The following WDHD1 variants were observed in gnomAD, a reference collection of about 807,000 sequenced individuals.
The protein encoded by WDHD1 is WD repeat and HMG-box DNA-binding protein 1.
Under a neutral mutation model 135.4 loss-of-function variants are expected in WDHD1, and 111 were observed. The observed-to-expected ratio is 0.82, with a 90% CI of 0.70 to 0.96. The LOEUF (loss-of-function observed/expected upper bound fraction) is 0.96, where lower values mean the gene tolerates loss of function less well. Among genes scored for constraint, WDHD1 ranks in the 40% least tolerant of loss-of-function variants. The probability of loss-of-function intolerance (pLI) is 0.00; values close to 1 mark genes in which losing one functional copy is unlikely to be tolerated. For missense variants in WDHD1, 1,351 were observed against 1,336.3 expected, an observed-to-expected ratio of 1.01 and a Z score of -0.17; for synonymous variants, 434 against 439.0, an observed-to-expected ratio of 0.99 and a Z score of 0.14.
At chr14:54,985,760 A>G (rs1239521211) in intron 14 of WDHD1, among the ~76,000 whole-genome samples, 1 of 152,228 alleles carries the variant, frequency 6.6e-6, no homozygotes, top group Non-Finnish European at 1.5e-5. Context: ...AAGAAATGAA[A>G]AGAGACAAAT....
At chr14:54,978,275 A>G (rs1021067607) in intron 16 of WDHD1, among the ~76,000 whole-genome samples, 2 of 152,208 alleles carry the variant, frequency 1.3e-5, no homozygotes, top group African/African-American at 2.4e-5. Flanking sequence ...AACCTACACT[A>G]TAAGAACTAC....
intron 15 of WDHD1, among the ~76,000 whole-genome samples, chr14:54,982,487 A>G (rs1423111514): frequency 6.6e-6 from 1 of 152,010 alleles, no homozygotes; most frequent in Non-Finnish European, 1.5e-5. Flanking sequence ...TCTGTCCCCA[A>G]CTACTAGGTA....
chr14:54,947,543 A>C (rs2040948814), intron 24 of WDHD1, among the ~76,000 whole-genome samples: 1 of 152,196 alleles, frequency 6.6e-6, no homozygotes, highest in Non-Finnish European at 1.5e-5. Flanking sequence ...ACTGTTCAGC[A>C]TGAGAAAAAT....
At chr14:54,981,884 A>C (rs531287126) in intron 15 of WDHD1, among the ~76,000 whole-genome samples, 188 bp from the exon 16 acceptor site, 164 of 152,328 alleles carry the variant, frequency 1.1e-3, no homozygotes, top group African/African-American at 3.8e-3. Context: ...TAACTAAAAA[A>C]AGAAAAAACA....
chr14:54,981,579 T>C lies in WDHD1; in HGVS notation c.2024A>G (p.Tyr675Cys), dbSNP rs771511351. 3.5e-5 allele frequency: 57 copies of C among 1,613,566 alleles called. No homozygotes were observed. Among genetic ancestry groups the C allele is most frequent in the African/African-American group, 5.3e-5 (4 of 74,894 alleles). ...REHCKGKSDH[Y>C]WVVGIHENPQ... is the part of the protein sequence containing the mutation. ...ATTTTCATGGATACCAACCACCCAG[T>C]AGTGATCAGATTTTCCTTTGCAGTG... The change falls in exon 16 of 26, where the codon TAC becomes TGC. Residue 675 changes from tyrosine (Y) to cysteine (C), a missense_variant. Tyr to Cys is a radical substitution (Grantham distance 194). Around this residue, in one of 2 missense-constraint regions of WDHD1, gnomAD observed 1,330 missense variants for 1,296.1 expected, o/e 1.03. Coordinates refer to ENST00000360586, the MANE Select transcript of WDHD1 (RefSeq NM_007086.4).
In WDHD1 at chr14:55,002,086, AACCT is replaced by A; in HGVS notation, c.693+3_693+6del. Reference sequence around the variant, plus strand: ...GCCCACTGAAAGTGTCACTTTGTAAAACCTACCTGAGAGATGAAATTATCTGAAA... The same window carrying A: ...GCCCACTGAAAGTGTCACTTTGTAAAACCTGAGAGATGAAATTATCTGAAA... On this transcript the variant is annotated splice_donor_5th_base_variant and intron_variant, in intron 8 of 25. Coordinates refer to ENST00000360586, the MANE Select transcript of WDHD1 (RefSeq NM_007086.4). 1 of 1,597,832 alleles carries A rather than the reference AACCT, an allele frequency of 6.3e-7. No individual in the cohort carries two copies. Among genetic ancestry groups the A allele is most frequent in the Non-Finnish European group, 8.5e-7 (1 of 1,171,264 alleles).
At chr14:55,019,818 G>A (rs1320036456) in intron 2 of WDHD1, among the ~76,000 whole-genome samples, 7 of 152,186 alleles carry the variant, frequency 4.6e-5, no homozygotes. Context: ...ACAGTGAGCC[G>A]AGATCGTGCC....
intron 24 of WDHD1, 122 bp downstream of exon 24, chr14:54,955,439 G>T: frequency 2.1e-6 from 2 of 935,978 alleles, no homozygotes; most frequent in Non-Finnish European, 2.9e-6. Context: ...TGTCCAGAAT[G>T]CCCACTACCA....
intron 11 of WDHD1, among the ~76,000 whole-genome samples, chr14:54,992,652 C>T (rs868300075): frequency 1.3e-4 from 20 of 152,010 alleles, no homozygotes; most frequent in South Asian, 2.1e-4. Context: ...CTGTGACTCA[C>T]GCTTGTAATT....
intron 12 of WDHD1, among the ~76,000 whole-genome samples, chr14:54,990,583 G>A (rs575814652): frequency 1.2e-3 from 176 of 147,548 alleles, no homozygotes; most frequent in Non-Finnish European, 1.7e-3. Context: ...GCAACAGAGC[G>A]AGACTCCATC....
intron 24 of WDHD1, among the ~76,000 whole-genome samples, chr14:54,947,956 C>G (rs1481902503): frequency 6.6e-6 from 1 of 151,608 alleles, no homozygotes; most frequent in Non-Finnish European, 1.5e-5. Context: ...TGGCTCACAC[C>G]TGTAATTCCA....
At chr14:54,974,671 C>G (rs971429129) in intron 16 of WDHD1, among the ~76,000 whole-genome samples, 2 of 151,778 alleles carry the variant, frequency 1.3e-5, no homozygotes, top group Non-Finnish European at 2.9e-5. Flanking sequence ...ACTAAAAATA[C>G]AAAAAATTAA....
chr14:54,973,821 T>A (rs1334676520), intron 16 of WDHD1, among the ~76,000 whole-genome samples: 2 of 152,142 alleles, frequency 1.3e-5, no homozygotes, highest in Non-Finnish European at 2.9e-5. Context: ...TAGTAAGCAA[T>A]TATCACAAAG....
chr14:55,020,983 A>G (rs944004426), intron 2 of WDHD1, among the ~76,000 whole-genome samples: 11 of 152,214 alleles, frequency 7.2e-5, no homozygotes, highest in African/African-American at 2.7e-4. Flanking sequence ...CACAGTGAGA[A>G]GGCTGACGGG....
At chr14:54,957,513 A>T in intron 22 of WDHD1, 79 bp downstream of exon 22, 12 of 1,181,406 alleles carry the variant, frequency 1.0e-5, no homozygotes, top group Non-Finnish European at 1.4e-5. Flanking sequence ...GTCTGGGGAG[A>T]GTCATCTCAT....
intron 5 of WDHD1, 110 bp from the exon 6 acceptor site, chr14:55,008,476 T>A: frequency 6.9e-7 from 1 of 1,453,784 alleles, no homozygotes; most frequent in Non-Finnish European, 9.4e-7. Flanking sequence ...TGAAATTTCC[T>A]GCTAACTCTC....
chr14:54,949,287 C>A (rs1024055642), intron 24 of WDHD1, among the ~76,000 whole-genome samples: 20 of 152,100 alleles, frequency 1.3e-4, no homozygotes, highest in Admixed American at 1.1e-3. Flanking sequence ...CTAGAATAAC[C>A]AGTGTAGAGA....
intron 24 of WDHD1, among the ~76,000 whole-genome samples, chr14:54,951,534 G>T (rs1183310746): frequency 6.6e-6 from 1 of 152,162 alleles, no homozygotes; most frequent in African/African-American, 2.4e-5. Flanking sequence ...AAAAAGTCCA[G>T]GACCAGATGG....
chr14:55,002,955 G>A (rs1444478378), intron 7 of WDHD1, among the ~76,000 whole-genome samples: 3 of 151,724 alleles, frequency 2.0e-5, no homozygotes, highest in Non-Finnish European at 4.4e-5. Flanking sequence ...ATTTGTTTGA[G>A]GAAAATAAAG....
Sources: allele counts gnomAD v4.1 joint callset (sites outside exome capture counted in the v4.1 genomes callset), GRCh38; gene constraint gnomAD v4.1.1; regional missense constraint gnomAD v4.1.1; transcripts MANE v1.5; gene names NCBI Gene and HGNC (gene_info 2026-07-23, HGNC 2026-07-21).